The following TIAM1 variants were observed in gnomAD, a reference collection of about 807,000 sequenced individuals.
TIAM1 encodes TIAM Rac1 associated GEF 1.
TIAM1 carries 65 observed loss-of-function variants against 163.5 expected under a neutral mutation model. That is an observed-to-expected ratio of 0.40 (90% CI 0.33 to 0.49). The LOEUF (loss-of-function observed/expected upper bound fraction) is 0.49. Ranked by LOEUF, TIAM1 falls within the 20% of genes least tolerant of loss-of-function variation. The pLI, the probability that TIAM1 is intolerant of heterozygous loss-of-function variation, is 0.77. For synonymous variants in TIAM1, 833 were observed against 810.1 expected (o/e 1.03, Z -0.48); for missense variants, 1,789 against 2,044.7 (o/e 0.87, Z 2.41).
At chr21:31,446,482 T>A (rs2147313613) in intron 2 of TIAM1, among the ~76,000 whole-genome samples, 1 of 152,248 alleles carries the variant, frequency 6.6e-6, no homozygotes, top group Non-Finnish European at 1.5e-5. Flanking sequence ...CTAGTGAAAC[T>A]TTACACACTG....
At chr21:31,317,629 A>C (rs1192087648) in intron 2 of TIAM1, among the ~76,000 whole-genome samples, 2 of 152,128 alleles carry the variant, frequency 1.3e-5, no homozygotes, top group African/African-American at 4.8e-5. Context: ...TAAACACGAA[A>C]ATCAGCCAGG....
intron 20 of TIAM1, among the ~76,000 whole-genome samples, chr21:31,142,276 G>A (rs1478571544): frequency 6.6e-6 from 1 of 151,834 alleles, no homozygotes. Context: ...CCTTACCCTG[G>A]TTTTCCTAAT....
At position 31,401,489 on chromosome 21, in the gene TIAM1, T is replaced by C. The variant is rs73902328; in HGVS notation, c.-368-62067A>G. Reference sequence around the variant, plus strand: ...TTCCTCTATTGGGATATGGCAGCCATGTCAATCATTGCTTCCCAACAATCC... The same window carrying C: ...TTCCTCTATTGGGATATGGCAGCCACGTCAATCATTGCTTCCCAACAATCC... On this transcript the variant is annotated intron_variant, in intron 2 of 28. Transcript: ENST00000286827. Among the ~76,000 whole-genome samples, 1,480 of 152,300 alleles carry C rather than the reference T, an allele frequency of 9.7e-3. 22 individuals carry two copies. The highest frequency in any genetic ancestry group is 0.034 in the African/African-American group (1,418 of 41,566).
chr21:31,344,041 C>T (rs2076096316), intron 1 of TIAM1, 97 bp downstream of exon 1: 1 of 152,240 alleles, frequency 6.6e-6, no homozygotes, highest in Non-Finnish European at 1.5e-5. Context: ...GGGCTCTCAC[C>T]TATCCTCGTT....
intron 6 of TIAM1, among the ~76,000 whole-genome samples, chr21:31,230,014 A>G (rs1729027396): frequency 6.6e-6 from 1 of 152,192 alleles, no homozygotes; most frequent in Non-Finnish European, 1.5e-5. Context: ...GCAGAGGCGC[A>G]CGCAGCACTA....
At chr21:31,137,698 G>A (rs1479902470) in intron 22 of TIAM1, among the ~76,000 whole-genome samples, 6 of 151,562 alleles carry the variant, frequency 4.0e-5, no homozygotes, top group Admixed American at 1.3e-4. Context: ...ATCGCCGCCC[G>A]GATGACTTTG....
intron 27 of TIAM1, among the ~76,000 whole-genome samples, chr21:31,121,329 G>C (rs1316497481): frequency 6.6e-6 from 1 of 152,170 alleles, no homozygotes; most frequent in South Asian, 2.1e-4. Context: ...TAGTAAGGGT[G>C]GGGGTGCATC....
intron 12 of TIAM1, among the ~76,000 whole-genome samples, chr21:31,196,484 T>TTTTTTTG (rs1339932112): frequency 6.7e-6 from 1 of 150,272 alleles, no homozygotes; most frequent in Non-Finnish European, 1.5e-5. Context: ...GCTAATTTTT[T>TTTTTTTG]TTTTTTTTGT....
At chr21:31,230,739 G>A (rs2088365938) in intron 6 of TIAM1, among the ~76,000 whole-genome samples, 2 of 152,166 alleles carry the variant, frequency 1.3e-5, no homozygotes, top group African/African-American at 4.8e-5. Context: ...TCACCATGTT[G>A]GCCAGTCTGG....
chr21:31,469,105 C>CA (rs1000907605), intron 1 of TIAM1, among the ~76,000 whole-genome samples: 6 of 115,264 alleles, frequency 5.2e-5, no homozygotes, highest in African/African-American at 2.0e-4. Flanking sequence ...TTTTTTGAGA[C>CA]AGGGTCTCAT....
rs1165293201 is a variant in TIAM1 at position 31,130,095 on chromosome 21, GGAAAAAA to G, written c.4045+111_4045+117del. 2.6e-5 allele frequency: 15 copies of G among 574,218 alleles called. No individual in the cohort carries two copies. In the Middle Eastern group the frequency reaches 1.4e-3, roughly 53 times the overall value. 35.6% of individuals were successfully genotyped at this position (574,218 alleles called of 1,614,324 possible). ...CGAGAGACAAGAGAGTTAAGCATAG[GGAAAAAA>G]AAAAAAAAAAGACGGTAGAAGAGTT... is the stretch of plus-strand genomic sequence containing the variant. On this transcript the variant is annotated intron_variant, in intron 25 of 27. Coordinates refer to ENST00000541036, the MANE Select transcript of TIAM1 (RefSeq NM_001353694.2).
chr21:31,541,548 A>G (rs2048323683), intron 1 of TIAM1, among the ~76,000 whole-genome samples: 1 of 152,206 alleles, frequency 6.6e-6, no homozygotes, highest in Admixed American at 6.5e-5. Flanking sequence ...CAATTACAGG[A>G]GAATAGTTAA....
intron 6 of TIAM1, among the ~76,000 whole-genome samples, chr21:31,242,032 G>A (rs1324397763): frequency 6.6e-6 from 1 of 151,898 alleles, no homozygotes; most frequent in Non-Finnish European, 1.5e-5. Flanking sequence ...ATAAAGTATG[G>A]CCCATATATA....
rs1352837010 is a variant in TIAM1, at chr21:31,243,204, A to AT, written c.1584+2283_1584+2284insA. Among the ~76,000 whole-genome samples, 375 of 135,700 alleles carry AT rather than the reference A, an allele frequency of 2.8e-3. 3 individuals are homozygous for AT. The highest frequency in any genetic ancestry group is 0.013 in the East Asian group (56 of 4,316). 89.0% of individuals were successfully genotyped at this position (135,700 alleles called of 152,430 possible). Reference sequence around the variant, plus strand: ...CAAAACTTCATCTCAAAAAAAAAAAAAAAAAATATATATATATATATGTAT... The same window carrying AT: ...CAAAACTTCATCTCAAAAAAAAAAAATAAAAAATATATATATATATATGTAT... On this transcript the variant is annotated intron_variant, in intron 6 of 27. Coordinates refer to ENST00000541036, the MANE Select transcript of TIAM1 (RefSeq NM_001353694.2).
At chr21:31,295,213 G>A (rs546781022) in intron 2 of TIAM1, among the ~76,000 whole-genome samples, 332 of 152,272 alleles carry the variant, frequency 2.2e-3, no homozygotes, top group African/African-American at 7.6e-3. Context: ...GCTTACGCCT[G>A]CAATCCCAGC....
chr21:31,366,981 G>C (rs2076514643), intron 2 of TIAM1, among the ~76,000 whole-genome samples: 3 of 152,042 alleles, frequency 2.0e-5, no homozygotes, highest in African/African-American at 7.2e-5. Context: ...TGTATACAAA[G>C]GGAATACAAA....
chr21:31,292,640 G>C (rs2074069589), intron 2 of TIAM1, among the ~76,000 whole-genome samples: 2 of 150,276 alleles, frequency 1.3e-5, no homozygotes, highest in Non-Finnish European at 3.0e-5. Context: ...AAAGTGCTGG[G>C]ATTACAGGCA....
chr21:31,453,745 T>C (rs907781879), intron 2 of TIAM1, among the ~76,000 whole-genome samples: 2 of 149,118 alleles, frequency 1.3e-5, no homozygotes, highest in Non-Finnish European at 3.0e-5. Context: ...TTTTAAAAAA[T>C]AAAAAAAAAG....
chr21:31,414,407 A>C (rs1459577358), intron 2 of TIAM1, among the ~76,000 whole-genome samples: 1 of 152,210 alleles, frequency 6.6e-6, no homozygotes, highest in Non-Finnish European at 1.5e-5. Context: ...ATCCCAAAGG[A>C]TATGAAAAGC....
Sources: allele counts gnomAD v4.1 joint callset (sites outside exome capture counted in the v4.1 genomes callset), GRCh38; gene constraint gnomAD v4.1.1; transcripts MANE v1.5; gene names NCBI Gene and HGNC (gene_info 2026-07-23, HGNC 2026-07-21).